Variants in UBE2H observed in about 807,000 individuals in gnomAD.
UBE2H encodes ubiquitin conjugating enzyme E2 H.
UBE2H carries 3 observed loss-of-function variants against 29.0 expected under a neutral mutation model. The observed-to-expected ratio is 0.10, with a 90% CI of 0.05 to 0.27. UBE2H has a LOEUF of 0.27. Ranked by LOEUF, UBE2H falls within the 10% of genes least tolerant of loss-of-function variation. The probability of loss-of-function intolerance (pLI) is 1.00; values close to 1 mark genes in which losing one functional copy is unlikely to be tolerated. For synonymous variants in UBE2H, 69 were observed against 82.9 expected (o/e 0.83, Z 0.91); for missense variants, 68 against 228.2 (o/e 0.30, Z 4.52).
chr7:129,866,026 C>T (rs1805898577), intron 3 of UBE2H, among the ~76,000 whole-genome samples: 2 of 152,180 alleles, frequency 1.3e-5, no homozygotes, highest in African/African-American at 4.8e-5. Flanking sequence ...AGATTTTCAT[C>T]TAACCTCAGA....
intron 1 of UBE2H, among the ~76,000 whole-genome samples, chr7:129,932,074 G>A (rs1463182686): frequency 6.6e-6 from 1 of 150,682 alleles, no homozygotes; most frequent in Non-Finnish European, 1.5e-5. Context: ...CGCCTGCCTC[G>A]GCCTCCCAAA....
chr7:129,882,699 C>T (rs1806278825), intron 1 of UBE2H, among the ~76,000 whole-genome samples: 1 of 152,178 alleles, frequency 6.6e-6, no homozygotes, highest in African/African-American at 2.4e-5. Context: ...ATGACACATG[C>T]ATGCCTACTC....
chr7:129,873,488 G>C (rs1806085365), intron 3 of UBE2H, among the ~76,000 whole-genome samples: 1 of 146,688 alleles, frequency 6.8e-6, no homozygotes, highest in African/African-American at 2.5e-5. Context: ...AGGCTGGAGT[G>C]CAGTGATGCT....
rs563430196 is a variant in UBE2H at position 129,945,744 on chromosome 7, CT to C, written c.53+6758del. ...ATGGGATGGCATATTACATGAGCTA[CT>C]TTTTTTTTTTTTGAGACTGAGTTTC... On this transcript the variant is annotated intron_variant, in intron 1 of 6. Coordinates refer to ENST00000355621, the MANE Select transcript of UBE2H (RefSeq NM_003344.4). 8.1e-3 allele frequency among the ~76,000 whole-genome samples: 1,181 copies of C among 146,204 alleles called. 13 individuals are homozygous for C. Among genetic ancestry groups the C allele is most frequent in the African/African-American group, 0.023 (919 of 40,220 alleles).
chr7:129,893,600 A>T (rs1806543747), intron 1 of UBE2H, among the ~76,000 whole-genome samples: 1 of 152,234 alleles, frequency 6.6e-6, no homozygotes, highest in South Asian at 2.1e-4. Flanking sequence ...AAATATAGTC[A>T]AAACAAAAAA....
intron 1 of UBE2H, among the ~76,000 whole-genome samples, chr7:129,895,983 T>C (rs576896620): frequency 6.6e-6 from 1 of 152,164 alleles, no homozygotes; most frequent in Non-Finnish European, 1.5e-5. Context: ...AAAAGCTAAA[T>C]TTAATATGAC....
At chr7:129,913,843 TAGTAGGG>T (rs1806989249) in intron 1 of UBE2H, among the ~76,000 whole-genome samples, 3 of 152,168 alleles carry the variant, frequency 2.0e-5, no homozygotes, top group African/African-American at 7.2e-5. Context: ...TCAAGTCATC[TAGTAGGG>T]AGCGGGTGAC....
intron 1 of UBE2H, among the ~76,000 whole-genome samples, chr7:129,913,941 T>C (rs1462441445): frequency 6.6e-6 from 1 of 152,124 alleles, no homozygotes; most frequent in East Asian, 1.9e-4. Flanking sequence ...AGATAACACT[T>C]ATAAAAGAAC....
chr7:129,928,355 C>T (rs1327609935), intron 1 of UBE2H, among the ~76,000 whole-genome samples: 2 of 152,076 alleles, frequency 1.3e-5, no homozygotes, highest in Non-Finnish European at 2.9e-5. Flanking sequence ...GTAATCCCAG[C>T]ACTTTGGGAG....
chr7:129,923,055 C>A (rs1807197038), intron 1 of UBE2H, among the ~76,000 whole-genome samples: 1 of 152,046 alleles, frequency 6.6e-6, no homozygotes, highest in Non-Finnish European at 1.5e-5. Flanking sequence ...CACCCGCCAC[C>A]AAGCCCAGCT....
Sources: gnomAD v4.1 joint callset for allele counts (sites outside exome capture counted in the v4.1 genomes callset) on GRCh38, gnomAD v4.1.1 for gene constraint, MANE v1.5 for transcripts, NCBI Gene and HGNC (gene_info 2026-07-23, HGNC 2026-07-21) for gene names.